Variants in CCSER1 observed in about 807,000 individuals in gnomAD.
CCSER1 encodes the protein serine-rich coiled-coil domain-containing protein 1.
Under a neutral mutation model 82.0 loss-of-function variants are expected in CCSER1, and 41 were observed. The observed-to-expected ratio is 0.50, with a 90% CI of 0.39 to 0.65. The LOEUF is 0.65. Ranked by LOEUF, CCSER1 falls within the 30% of genes least tolerant of loss-of-function variation. The pLI, the probability that CCSER1 is intolerant of heterozygous loss-of-function variation, is 0.00. For missense variants in CCSER1, 1,119 were observed against 1,064.2 expected (o/e 1.05, Z -0.72); for synonymous variants, 414 against 383.9 (o/e 1.08, Z -0.92).
chr4:90,377,922 T>C (rs1748619393), intron 3 of CCSER1, among the ~76,000 whole-genome samples: 2 of 152,108 alleles, frequency 1.3e-5, no homozygotes, highest in South Asian at 2.1e-4. Context: ...ATTATAGAAA[T>C]AGTGTCATTG....
chr4:91,185,473 G>A (rs1026778545), intron 10 of CCSER1, among the ~76,000 whole-genome samples: 3 of 152,178 alleles, frequency 2.0e-5, no homozygotes, highest in Non-Finnish European at 4.4e-5. Flanking sequence ...CTTTTGTGGG[G>A]GTTCCCCAGG....
intron 7 of CCSER1, among the ~76,000 whole-genome samples, chr4:90,772,943 T>G (rs572747687): frequency 1.7e-4 from 26 of 152,238 alleles, no homozygotes; most frequent in African/African-American, 5.5e-4. Context: ...GAGCAATGTT[T>G]AAAAATGAGT....
intron 10 of CCSER1, among the ~76,000 whole-genome samples, chr4:91,458,722 C>T (rs1407159064): frequency 6.6e-6 from 1 of 152,044 alleles, no homozygotes; most frequent in East Asian, 1.9e-4. Flanking sequence ...ATAGATCTTG[C>T]ACTTATTTGC....
intron 9 of CCSER1, among the ~76,000 whole-genome samples, chr4:90,983,895 T>C (rs1736351268): frequency 6.6e-6 from 1 of 151,824 alleles, no homozygotes; most frequent in Non-Finnish European, 1.5e-5. Context: ...ACACACTGTT[T>C]ATACGATTCT....
At chr4:90,199,062 G>A (rs894564795) in intron 1 of CCSER1, among the ~76,000 whole-genome samples, 11 of 152,008 alleles carry the variant, frequency 7.2e-5, no homozygotes, top group South Asian at 2.1e-4. Context: ...ACAGAGACTC[G>A]AAGATTATCC....
intron 10 of CCSER1, among the ~76,000 whole-genome samples, chr4:91,243,770 C>T (rs188535592): frequency 3.0e-4 from 45 of 152,324 alleles, no homozygotes; most frequent in South Asian, 8.3e-4. Context: ...GTAATACCCA[C>T]GGAGTATGTG....
In CCSER1 at chr4:90,312,930, A is replaced by C. The variant is rs750592668; in HGVS notation, c.1392A>C (p.Ser464=). 6.3e-7 allele frequency: 1 copy of C among 1,589,324 alleles called. No homozygotes were observed. The highest frequency in any genetic ancestry group is 8.6e-7 in the Non-Finnish European group (1 of 1,166,706). The change falls in exon 3 of 11, where the codon TCA becomes TCC. Residue 464 remains serine (S), a synonymous_variant. Coordinates refer to ENST00000509176, the MANE Select transcript of CCSER1 (RefSeq NM_001145065.2). ...RFIERRLRSS[S]EGTAGSSRMI... The stretch of plus-strand genomic sequence containing the variant: ...TAGAGAGGAGACTGCGATCCTCGTC[A>C]GAAGGCACTGCAGGGAGTAGCAGAA...
intron 10 of CCSER1, among the ~76,000 whole-genome samples, chr4:91,146,223 C>G (rs1002707114): frequency 6.6e-6 from 1 of 152,176 alleles, no homozygotes; most frequent in Non-Finnish European, 1.5e-5. Context: ...GTTGCTAAGA[C>G]TTCCAAATAT....
At chr4:91,276,545 A>G (rs1378412675) in intron 10 of CCSER1, among the ~76,000 whole-genome samples, 1 of 151,926 alleles carries the variant, frequency 6.6e-6, no homozygotes, top group East Asian at 1.9e-4. Context: ...TTTTTGGTGG[A>G]GTCTTTAGCT....
At chr4:91,253,740 G>A (rs1740450773) in intron 10 of CCSER1, among the ~76,000 whole-genome samples, 1 of 152,054 alleles carries the variant, frequency 6.6e-6, no homozygotes, top group Non-Finnish European at 1.5e-5. Flanking sequence ...GGTTCTTCAG[G>A]CCTATAGGAA....
intron 10 of CCSER1, among the ~76,000 whole-genome samples, chr4:91,299,705 G>A (rs866280956): frequency 6.6e-6 from 1 of 151,226 alleles, no homozygotes; most frequent in Middle Eastern, 3.5e-3. Context: ...TTATATGCAT[G>A]TGCAAAATTG....
intron 10 of CCSER1, among the ~76,000 whole-genome samples, chr4:91,498,991 G>A (rs1379045615): frequency 1.3e-5 from 2 of 151,744 alleles, no homozygotes; most frequent in Admixed American, 1.3e-4. Flanking sequence ...TAGATCACCT[G>A]CAATTGTCTG....
chr4:91,517,217 A>G (rs936152255), intron 10 of CCSER1, among the ~76,000 whole-genome samples: 1 of 152,162 alleles, frequency 6.6e-6, no homozygotes, highest in African/African-American at 2.4e-5. Flanking sequence ...TGCTCTGGCT[A>G]GAAATTCCAT....
chr4:90,563,718 G>A (rs1779048057), intron 5 of CCSER1, among the ~76,000 whole-genome samples: 1 of 152,018 alleles, frequency 6.6e-6, no homozygotes, highest in South Asian at 2.1e-4. Context: ...TCCACGTCTG[G>A]CTGTTTTGAT....
intron 1 of CCSER1, among the ~76,000 whole-genome samples, chr4:90,304,125 A>G (rs1394189616): frequency 3.3e-5 from 5 of 152,122 alleles, no homozygotes; most frequent in South Asian, 2.1e-4. Flanking sequence ...TTAGAATGGC[A>G]ATCATTAAAA....
intron 5 of CCSER1, among the ~76,000 whole-genome samples, chr4:90,532,852 TCTC>T (rs1774748932): frequency 6.6e-6 from 1 of 152,150 alleles, no homozygotes; most frequent in Non-Finnish European, 1.5e-5. Context: ...CTCCTCTACT[TCTC>T]CCAAGTATCT....
chr4:90,349,095 T>G (rs992118767), intron 3 of CCSER1, among the ~76,000 whole-genome samples: 19 of 152,218 alleles, frequency 1.2e-4, no homozygotes, highest in African/African-American at 4.3e-4. Context: ...AGGGATTCTG[T>G]TTTATTTGCC....
At chr4:90,769,349 A>C (rs1370678477) in intron 7 of CCSER1, among the ~76,000 whole-genome samples, 3 of 152,170 alleles carry the variant, frequency 2.0e-5, no homozygotes, top group Admixed American at 2.0e-4. Flanking sequence ...TAGAATTAGA[A>C]GAAACCGTTT....
chr4:91,544,503 T>C (rs2110205380), intron 10 of CCSER1, among the ~76,000 whole-genome samples: 1 of 152,338 alleles, frequency 6.6e-6, no homozygotes, highest in East Asian at 1.9e-4. Context: ...GTGGATGTCC[T>C]TTCTGTTTGT....
Sources: allele counts gnomAD v4.1 joint callset (sites outside exome capture counted in the v4.1 genomes callset), GRCh38; gene constraint gnomAD v4.1.1; transcripts MANE v1.5; gene names NCBI Gene and HGNC (gene_info 2026-07-23, HGNC 2026-07-21).